SPIRE1: variants seen among roughly 807,000 people sequenced by gnomAD.
The protein encoded by SPIRE1 is spire type actin nucleation factor 1.
A neutral mutation model predicts 94.1 loss-of-function variants in SPIRE1; 40 were observed. The ratio of observed to expected loss-of-function variants is 0.43; its 90% CI spans 0.33 to 0.55. The LOEUF (loss-of-function observed/expected upper bound fraction) is 0.55. SPIRE1 is among the 20% of genes least tolerant of loss of function. SPIRE1 has a pLI of 0.06. For missense variants in SPIRE1, 838 were observed against 975.2 expected, an observed-to-expected ratio of 0.86 and a Z score of 1.87; for synonymous variants, 376 against 371.7, an observed-to-expected ratio of 1.01 and a Z score of -0.13.
chr18:12,611,934 A>C (rs1373188347), intron 2 of SPIRE1, among the ~76,000 whole-genome samples: 1 of 151,820 alleles, frequency 6.6e-6, no homozygotes, highest in Admixed American at 6.6e-5. Flanking sequence ...TCCGCCTCCC[A>C]AAGTGCTGAG....
At chr18:12,623,923 C>T (rs1313672267) in intron 2 of SPIRE1, among the ~76,000 whole-genome samples, 3 of 135,064 alleles carry the variant, frequency 2.2e-5, no homozygotes, top group Non-Finnish European at 3.1e-5. Flanking sequence ...CCACTGCACT[C>T]GGCCTTTTTT....
intron 1 of SPIRE1, among the ~76,000 whole-genome samples, chr18:12,656,352 A>T (rs141155866): frequency 1.9e-3 from 282 of 152,366 alleles, no homozygotes; most frequent in African/African-American, 6.5e-3. Context: ...TCAAAAGAAC[A>T]ATTAAAAAGA....
rs1194368499 is a variant in SPIRE1, at chr18:12,518,608, G to A, written c.730-6077C>T. 5.3e-5 allele frequency among the ~76,000 whole-genome samples: 8 copies of A among 151,952 alleles called. No individual in the cohort carries two copies. The East Asian group carries it at 7.7e-4, about 15-fold the overall frequency. On this transcript the variant is annotated intron_variant, in intron 4 of 16. Coordinates refer to ENST00000409402, the MANE Select transcript of SPIRE1 (RefSeq NM_001128626.2). ...TGAGGTAGGAGGATTGCTTGAGGCC[G>A]GGAGGCAGAGGTTGCAGTGAGCTGA...
Position 12,485,935 on chromosome 18 carries a change from TAAAA to T in SPIRE1, c.1231+20_1231+23del. ...GAAACCACAAAACCCACGTCAGGTG[TAAAA>T]GTGTTTTTGTTTTTTTTACCTGACA... On this transcript the variant is annotated intron_variant, in intron 9 of 16. Transcript: ENST00000409402. 1 of 1,522,384 alleles carries T rather than the reference TAAAA, an allele frequency of 6.6e-7. No individual in the cohort carries two copies. The highest frequency in any genetic ancestry group is 8.9e-7 in the Non-Finnish European group (1 of 1,127,942). 94.3% of individuals were successfully genotyped at this position (1,522,384 alleles called of 1,614,324 possible).
Position 12,635,886 on chromosome 18 carries a change from G to GT in SPIRE1, c.338-791dup, listed in dbSNP as rs958839716. On this transcript the variant is annotated intron_variant, in intron 1 of 16. Coordinates refer to ENST00000409402, the MANE Select transcript of SPIRE1 (RefSeq NM_001128626.2). The stretch of plus-strand genomic sequence containing the variant: ...CGTACTAGAAAATTGGGTTTTTTTG[G>GT]TTTTTTTTGTTTTTTTTTTTGAGAA... Among the ~76,000 whole-genome samples the GT allele has an allele frequency of 2.3e-3, 339 of 150,312 alleles. 1 individual carries two copies. Among genetic ancestry groups the GT allele is most frequent in the African/African-American group, 7.4e-3 (301 of 40,860 alleles).
Position 12,492,645 on chromosome 18 carries a change from T to A in SPIRE1, c.1189+427A>T, listed in dbSNP as rs533896960. On this transcript the variant is annotated intron_variant, in intron 8 of 16. Transcript: ENST00000409402. ...ATCTTTGTATATGCAATACAATTTA[T>A]AAAGTATTTTTTTACCATAATCCTA... 3.4e-4 allele frequency among the ~76,000 whole-genome samples: 52 copies of A among 152,334 alleles called. No homozygotes were observed. The South Asian group carries it at 0.01, about 30-fold the overall frequency.
At chr18:12,626,481 G>A (rs746006676) in intron 2 of SPIRE1, among the ~76,000 whole-genome samples, 3 of 152,224 alleles carry the variant, frequency 2.0e-5, no homozygotes, top group African/African-American at 2.4e-5. Flanking sequence ...CATGGACTGC[G>A]TTAACACTTT....
intron 2 of SPIRE1, among the ~76,000 whole-genome samples, chr18:12,548,395 A>G (rs1181980050): frequency 1.3e-5 from 2 of 152,178 alleles, no homozygotes; most frequent in Admixed American, 1.3e-4. Context: ...TCTCTACAAA[A>G]ATTCAAAAAT....
intron 2 of SPIRE1, among the ~76,000 whole-genome samples, chr18:12,564,384 TA>T (rs2035763988): frequency 6.6e-6 from 1 of 152,126 alleles, no homozygotes; most frequent in Admixed American, 6.6e-5. Context: ...CTAGAAGCCA[TA>T]AGGAGAAAGA....
intron 2 of SPIRE1, among the ~76,000 whole-genome samples, chr18:12,597,157 T>TACACAG (rs1296328497): frequency 1.4e-5 from 2 of 144,104 alleles, no homozygotes; most frequent in South Asian, 4.5e-4. Context: ...TGTCTCTTTC[T>TACACAG]ACACACACAC....
chr18:12,547,784 T>A (rs12455536), intron 2 of SPIRE1, among the ~76,000 whole-genome samples: 81,492 of 151,816 alleles, frequency 0.54, 23,084 homozygotes, highest in Middle Eastern at 0.73. Flanking sequence ...TCTACTAAAA[T>A]TACAAAAATG....
At chr18:12,459,966 GA>G (rs1456983983) in intron 12 of SPIRE1, 1 of 938,664 alleles carries the variant, frequency 1.1e-6, no homozygotes, top group Non-Finnish European at 1.3e-6. Context: ...ATGGCAGGGG[GA>G]AAAGAAAAGG....
chr18:12,529,398 A>T (rs1014578300), intron 4 of SPIRE1, among the ~76,000 whole-genome samples: 1 of 151,102 alleles, frequency 6.6e-6, no homozygotes, highest in Non-Finnish European at 1.5e-5. Context: ...GTATGTGCTG[A>T]ATATATAAAG....
At chr18:12,547,574 ATATTT>A (rs2035210604) in intron 2 of SPIRE1, among the ~76,000 whole-genome samples, 1 of 152,206 alleles carries the variant, frequency 6.6e-6, no homozygotes, top group African/African-American at 2.4e-5. Flanking sequence ...TTTCTGCTAT[ATATTT>A]AAAAAAGCAC....
At chr18:12,588,940 AGAGACATGTCTGT>A (rs2036458879) in intron 2 of SPIRE1, among the ~76,000 whole-genome samples, 1 of 152,166 alleles carries the variant, frequency 6.6e-6, no homozygotes, top group Non-Finnish European at 1.5e-5. Context: ...CCGTGTGGTC[AGAGACATGTCTGT>A]TTTGGTCACT....
At chr18:12,491,037 T>C (rs558128) in intron 8 of SPIRE1, among the ~76,000 whole-genome samples, 1 of 151,534 alleles carries the variant, frequency 6.6e-6, no homozygotes, top group East Asian at 1.9e-4. Flanking sequence ...TCCATAAAAA[T>C]TTTTTTCAAT....
chr18:12,476,552 AAAAAAAAAAAAAATATATAT>A (rs2032588272), intron 10 of SPIRE1, among the ~76,000 whole-genome samples: 1 of 78,094 alleles, frequency 1.3e-5, no homozygotes, highest in South Asian at 4.7e-4. Flanking sequence ...AAAAAAAAAA[AAAAAAAAAAAAAATATATAT>A]ATATATATAT....
intron 5 of SPIRE1, among the ~76,000 whole-genome samples, chr18:12,507,974 G>A (rs948720283): frequency 5.9e-5 from 9 of 151,492 alleles, no homozygotes; most frequent in East Asian, 2.0e-4. Context: ...GTGAAACCCC[G>A]TCTCTACTAA....
chr18:12,606,903 C>A (rs2036994409), intron 2 of SPIRE1, among the ~76,000 whole-genome samples: 1 of 152,178 alleles, frequency 6.6e-6, no homozygotes, highest in African/African-American at 2.4e-5. Context: ...CTGACTTACT[C>A]TTATACCTGC....
Sources: allele counts gnomAD v4.1 joint callset (sites outside exome capture counted in the v4.1 genomes callset), GRCh38; gene constraint gnomAD v4.1.1; transcripts MANE v1.5; gene names NCBI Gene and HGNC (gene_info 2026-07-23, HGNC 2026-07-21).